The following GNA12 variants were observed in gnomAD, a reference collection of about 807,000 sequenced individuals.
GNA12 encodes the protein G protein subunit alpha 12, also known as guanine nucleotide-binding protein subunit alpha-12.
Under a neutral mutation model 26.0 loss-of-function variants are expected in GNA12, and 9 were observed. That is an observed-to-expected ratio of 0.35 (90% CI 0.21 to 0.60). The LOEUF (loss-of-function observed/expected upper bound fraction) is 0.60, where lower values mean the gene tolerates loss of function less well. Among genes scored for constraint, GNA12 ranks in the 20% least tolerant of loss-of-function variants. The pLI is 0.78. For synonymous variants in GNA12, 264 were observed against 219.6 expected (o/e 1.20, Z -1.79); for missense variants, 405 against 525.8 (o/e 0.77, Z 2.25).
At chr7:2,739,743 G>A (rs1414716567) in intron 2 of GNA12, among the ~76,000 whole-genome samples, 5 of 152,118 alleles carry the variant, frequency 3.3e-5, no homozygotes, top group Non-Finnish European at 7.4e-5. Flanking sequence ...GTGCGATCTT[G>A]GCTCACCGCA....
chr7:2,746,193 C>G (rs983405931), intron 2 of GNA12, among the ~76,000 whole-genome samples: 3 of 152,204 alleles, frequency 2.0e-5, no homozygotes, highest in African/African-American at 7.2e-5. Context: ...ACGGAACTCT[C>G]CACCCCAAAT....
At chr7:2,778,584 G>A (rs1476641985) in intron 2 of GNA12, among the ~76,000 whole-genome samples, 1 of 152,198 alleles carries the variant, frequency 6.6e-6, no homozygotes, top group East Asian at 1.9e-4. Context: ...GGCTCTCAGG[G>A]AGATGAATGG....
chr7:2,821,073 C>G (rs1793337620), intron 1 of GNA12, among the ~76,000 whole-genome samples: 1 of 152,226 alleles, frequency 6.6e-6, no homozygotes, highest in Non-Finnish European at 1.5e-5. Flanking sequence ...GGACAAAACT[C>G]CACAGGAATC....
intron 1 of GNA12, among the ~76,000 whole-genome samples, chr7:2,803,262 G>A (rs956473087): frequency 6.6e-6 from 1 of 152,194 alleles, no homozygotes; most frequent in Admixed American, 6.5e-5. Context: ...AGCCAGAATC[G>A]CCACCGCTGG....
intron 2 of GNA12, among the ~76,000 whole-genome samples, chr7:2,746,367 A>AC: frequency 6.6e-6 from 1 of 150,810 alleles, no homozygotes; most frequent in Non-Finnish European, 1.5e-5. Context: ...GGATTAAGAA[A>AC]TCAAAACCGC....
At chr7:2,826,609 G>C (rs1276389085) in intron 1 of GNA12, among the ~76,000 whole-genome samples, 1 of 152,118 alleles carries the variant, frequency 6.6e-6, no homozygotes, top group Non-Finnish European at 1.5e-5. Flanking sequence ...ACTCCATAAT[G>C]AAAAGAAATA....
At chr7:2,808,324 C>G (rs1792999844) in intron 1 of GNA12, among the ~76,000 whole-genome samples, 1 of 152,206 alleles carries the variant, frequency 6.6e-6, no homozygotes, top group African/African-American at 2.4e-5. Context: ...GCTGGCCTAC[C>G]CAGGCCCTGC....
intron 1 of GNA12, among the ~76,000 whole-genome samples, chr7:2,797,677 C>A (rs933385111): frequency 1.3e-5 from 2 of 152,148 alleles, no homozygotes; most frequent in African/African-American, 2.4e-5. Context: ...ACCACTGAGT[C>A]AGACGTAATG....
intron 1 of GNA12, among the ~76,000 whole-genome samples, chr7:2,820,058 C>A (rs147241542): frequency 6.6e-6 from 1 of 152,298 alleles, no homozygotes; most frequent in Non-Finnish European, 1.5e-5. Flanking sequence ...GATGACGATG[C>A]CACGCTACAG....
At chr7:2,757,152 T>TTC (rs1477674621) in intron 2 of GNA12, among the ~76,000 whole-genome samples, 2 of 116,136 alleles carry the variant, frequency 1.7e-5, no homozygotes, top group East Asian at 2.3e-4. Context: ...TTTTTTTTTT[T>TTC]TGAGACGGAG....
intron 2 of GNA12, among the ~76,000 whole-genome samples, chr7:2,787,584 C>A (rs1792394401): frequency 1.3e-5 from 2 of 152,200 alleles, no homozygotes; most frequent in African/African-American, 4.8e-5. Flanking sequence ...CGGGAAACGC[C>A]ACTCTGGGAA....
Position 2,844,218 on chromosome 7 carries a change from C to T in GNA12, c.-57G>A. 2.3e-6 allele frequency: 2 copies of T among 871,252 alleles called. No individual in the cohort carries two copies. The highest frequency in any genetic ancestry group is 2.7e-6 in the Non-Finnish European group (2 of 727,808). The allele number at this position is 871,252 out of a possible 1,614,324, so 54.0% of individuals were successfully genotyped here. A position where few individuals can be genotyped will look rare whatever the true frequency, so the allele number is the denominator to read the frequency against. On this transcript the variant is annotated 5_prime_UTR_variant, in exon 1 of 4. Coordinates refer to ENST00000275364, the MANE Select transcript of GNA12 (RefSeq NM_007353.3). ...CGCCCGGGGGCCATGGACGCTCCCG[C>T]CGGCGAGGGCGAGCCCGGGCCGAGG...
Position 2,737,271 on chromosome 7 carries a change from TTTGTTTTTTTTTTTTTTG to T in GNA12, c.526-3788_526-3771del, listed in dbSNP as rs1390958724. ...TTCAGGAGCTATCTCACAGTTTTGT[TTTGTTTTTTTTTTTTTTG>T]TTTTTTTTTTTTTTTTTGAGATGGA... On this transcript the variant is annotated intron_variant, in intron 2 of 3. Coordinates refer to ENST00000275364, the MANE Select transcript of GNA12 (RefSeq NM_007353.3). 2.3e-3 allele frequency among the ~76,000 whole-genome samples: 115 copies of T among 49,892 alleles called. 3 individuals carry two copies. The highest frequency in any genetic ancestry group is 5.6e-3 in the African/African-American group (90 of 16,180). 32.7% of individuals were successfully genotyped at this position (49,892 alleles called of 152,430 possible).
chr7:2,759,540 A>G (rs1402976371), intron 2 of GNA12, among the ~76,000 whole-genome samples: 1 of 152,260 alleles, frequency 6.6e-6, no homozygotes. Flanking sequence ...AGGAATAATT[A>G]GCCAAATACT....
chr7:2,825,015 C>G (rs1319758652), intron 1 of GNA12, among the ~76,000 whole-genome samples: 2 of 152,208 alleles, frequency 1.3e-5, no homozygotes, highest in South Asian at 2.1e-4. Context: ...TGGACAGACA[C>G]CTGGCTTGCC....
At chr7:2,840,588 G>A (rs1457140397) in intron 1 of GNA12, among the ~76,000 whole-genome samples, 1 of 152,198 alleles carries the variant, frequency 6.6e-6, no homozygotes, top group African/African-American at 2.4e-5. Context: ...GCCAAGTTTA[G>A]TATTTCACAC....
Position 2,772,729 on chromosome 7 carries a change from T to C in GNA12, c.525+22199A>G, listed in dbSNP as rs188123132. ...CTGTCCCACACTGCTGGAGAGACTA[T>C]AAACCAGTACGGCCAGTTTGGAGAA... On this transcript the variant is annotated intron_variant, in intron 2 of 3. Coordinates refer to ENST00000275364, the MANE Select transcript of GNA12 (RefSeq NM_007353.3). Among the ~76,000 whole-genome samples the C allele has an allele frequency of 1.2e-4, 18 of 152,312 alleles. No individual in the cohort carries two copies. In the East Asian group the frequency reaches 3.5e-3, roughly 29 times the overall value.
chr7:2,741,446 C>T (rs1479014081), intron 2 of GNA12, among the ~76,000 whole-genome samples: 2 of 152,162 alleles, frequency 1.3e-5, no homozygotes, highest in African/African-American at 2.4e-5. Flanking sequence ...TCTCTAAAAC[C>T]CAGCAAGTGC....
At chr7:2,747,890 G>C (rs1418656990) in intron 2 of GNA12, among the ~76,000 whole-genome samples, 3 of 152,042 alleles carry the variant, frequency 2.0e-5, no homozygotes, top group Non-Finnish European at 2.9e-5. Flanking sequence ...GCCAAATCAT[G>C]AGTGAACTCC....
Sources: allele counts gnomAD v4.1 joint callset (sites outside exome capture counted in the v4.1 genomes callset), GRCh38; gene constraint gnomAD v4.1.1; transcripts MANE v1.5; gene names NCBI Gene and HGNC (gene_info 2026-07-23, HGNC 2026-07-21).